ZC3H4: variants seen among roughly 807,000 people sequenced by gnomAD.
ZC3H4 encodes the protein zinc finger CCCH-type containing 4.
A neutral mutation model predicts 108.3 loss-of-function variants in ZC3H4; 13 were observed. The ratio of observed to expected loss-of-function variants is 0.12; its 90% CI spans 0.08 to 0.19. The LOEUF is 0.19. Ranked by LOEUF, ZC3H4 falls within the 10% of genes least tolerant of loss-of-function variation. The pLI is 1.00. For synonymous variants in ZC3H4, 917 were observed against 749.6 expected (o/e 1.22, Z -3.65); for missense variants, 1,734 against 1,838.8 (o/e 0.94, Z 1.04).
At chr19:47,078,383 C>T (rs548947099) in intron 11 of ZC3H4, among the ~76,000 whole-genome samples, 1 of 151,810 alleles carries the variant, frequency 6.6e-6, no homozygotes, top group Non-Finnish European at 1.5e-5. Flanking sequence ...CTTTGGGAGG[C>T]CAAGGCAGGA....
intron 8 of ZC3H4, among the ~76,000 whole-genome samples, chr19:47,084,775 G>A (rs934294938): frequency 6.6e-6 from 1 of 152,186 alleles, no homozygotes; most frequent in South Asian, 2.1e-4. Context: ...ACCTTCCAGG[G>A]CTAATTGGAT....
At chr19:47,082,121 A>T in intron 10 of ZC3H4, 63 bp downstream of exon 10, 1 of 1,326,288 alleles carries the variant, frequency 7.5e-7, no homozygotes, top group Non-Finnish European at 1.1e-6. Context: ...TGTTACTACC[A>T]CCATCAAGGA....
intron 4 of ZC3H4, among the ~76,000 whole-genome samples, chr19:47,090,935 C>T (rs1324056864): frequency 1.3e-5 from 2 of 152,180 alleles, no homozygotes; most frequent in Admixed American, 1.3e-4. Context: ...CTACTACTAC[C>T]TGCTCAATTT....
At chr19:47,077,050 C>T (rs965760486) in intron 11 of ZC3H4, among the ~76,000 whole-genome samples, 1 of 152,050 alleles carries the variant, frequency 6.6e-6, no homozygotes, top group South Asian at 2.1e-4. Flanking sequence ...CTCTGTAATC[C>T]CAGCTACTCA....
chr19:47,095,461 C>T (rs1031405866), intron 2 of ZC3H4, among the ~76,000 whole-genome samples: 2 of 152,116 alleles, frequency 1.3e-5, no homozygotes, highest in African/African-American at 4.8e-5. Context: ...TCACATGATA[C>T]CGGCCCTGCT....
intron 4 of ZC3H4, among the ~76,000 whole-genome samples, chr19:47,090,744 C>A (rs551806086): frequency 7.2e-5 from 11 of 152,246 alleles, no homozygotes; most frequent in Non-Finnish European, 1.5e-4. Context: ...AATGGAGTAA[C>A]GACGAATATG....
chr19:47,089,969 C>A lies in ZC3H4; in HGVS notation c.713G>T (p.Arg238Leu), dbSNP rs747163575. 6.2e-7 allele frequency: 1 copy of A among 1,614,158 alleles called. No homozygotes were observed. Among genetic ancestry groups the A allele is most frequent in the Non-Finnish European group, 8.5e-7 (1 of 1,180,034 alleles). ...RRAKEGSSRG[R>L]GSRGRGRGYR... ...GAAACTGTAAGGGCAGGGCTCACCT[C>A]GGCCGCGGCTGCTGCCCTCCTTGGC... Residue 238 changes from arginine (R) to leucine (L), a missense_variant and splice_region_variant, in exon 5 of 15, where the codon CGA (arginine) becomes CTA (leucine). Coordinates refer to ENST00000253048, the MANE Select transcript of ZC3H4 (RefSeq NM_015168.2).
Position 47,064,721 on chromosome 19 carries a change from T to TTTA in ZC3H4, c.*1634_*1635insTAA, listed in dbSNP as rs1555775480. ...AAGACAAATCTCATTAATGATTGTGTAAAAAAAAAAAAAAAAAAAAAGACA... is the reference window on the plus strand; with the variant it reads ...AAGACAAATCTCATTAATGATTGTGTTTAAAAAAAAAAAAAAAAAAAAAAGACA... On this transcript the variant is annotated 3_prime_UTR_variant, in exon 15 of 15. Transcript: ENST00000253048. 8.8e-6 allele frequency: 1 copy of TTTA among 113,114 alleles called. No homozygotes were observed. The highest frequency in any genetic ancestry group is 1.8e-5 in the Non-Finnish European group (1 of 56,916). The allele number at this position is 113,114 out of a possible 1,614,324, so 7.0% of individuals were successfully genotyped here.
chr19:47,088,540 C>T (rs1326894537), intron 5 of ZC3H4, among the ~76,000 whole-genome samples: 1 of 151,050 alleles, frequency 6.6e-6, no homozygotes, highest in African/African-American at 2.4e-5. Flanking sequence ...AAGTGAAACT[C>T]TGTCTCAAAA....
Position 47,112,544 on chromosome 19 carries a change from T to A in ZC3H4, c.41A>T (p.Glu14Val). The part of the protein sequence containing the change: ...APGTPPPPPS[E>V]SPPPPSPPPP... ...CGGCGGCGATGGCGGCGGCGGCGAC[T>A]CTGATGGCGGCGGCGGGGGGGTCCC... The change falls in exon 2 of 15, where the codon GAG becomes GTG. Residue 14 changes from glutamate to valine, a missense_variant. Transcript: ENST00000253048. The A allele has an allele frequency of 9.6e-7, 1 of 1,037,178 alleles. No individual in the cohort carries two copies. Among genetic ancestry groups the A allele is most frequent in the Non-Finnish European group, 1.2e-6 (1 of 805,426 alleles). The allele number at this position is 1,037,178 out of a possible 1,614,324, so 64.2% of individuals were successfully genotyped here. A position where few individuals can be genotyped will look rare whatever the true frequency, so the allele number is the denominator to read the frequency against.
chr19:47,112,212 G>A (rs1568573472), intron 2 of ZC3H4: 2 of 1,200,224 alleles, frequency 1.7e-6, no homozygotes, highest in East Asian at 3.3e-5. Flanking sequence ...CGAGCGCCGC[G>A]AGGGGGGGGA....
chr19:47,092,080 C>G (rs543460611), intron 4 of ZC3H4, among the ~76,000 whole-genome samples: 1 of 151,490 alleles, frequency 6.6e-6, no homozygotes, highest in Non-Finnish European at 1.5e-5. Context: ...CGTTATGGCC[C>G]ATGGTTCCAG....
chr19:47,068,951 G>C, intron 14 of ZC3H4, 141 bp downstream of exon 14: 1 of 1,505,574 alleles, frequency 6.6e-7, no homozygotes. Context: ...GCCCCAGCCC[G>C]GCTTCATGGC....
intron 11 of ZC3H4, among the ~76,000 whole-genome samples, chr19:47,074,407 G>A (rs1188206819): frequency 1.3e-5 from 2 of 152,228 alleles, no homozygotes; most frequent in Non-Finnish European, 2.9e-5. Context: ...ATACAGGGCA[G>A]ACGCCCAGTG....
chr19:47,077,484 C>A (rs932726151), intron 11 of ZC3H4, among the ~76,000 whole-genome samples: 1 of 147,060 alleles, frequency 6.8e-6, no homozygotes, highest in Admixed American at 6.8e-5. Context: ...AAAAAAAAAA[C>A]TGGTACCAAA....
chr19:47,104,496 G>A (rs548129973), intron 2 of ZC3H4, among the ~76,000 whole-genome samples: 4 of 152,292 alleles, frequency 2.6e-5, no homozygotes, highest in Non-Finnish European at 4.4e-5. Flanking sequence ...TATTCTATAT[G>A]AAGTATCAAT....
At position 47,085,065 on chromosome 19, in the gene ZC3H4, C is replaced by T; in HGVS notation, c.1098G>A (p.Glu366=). 6.2e-7 allele frequency: 1 copy of T among 1,614,222 alleles called. No individual in the cohort carries two copies. Residue 366 remains glutamate (E), a synonymous_variant, in exon 8 of 15, where the codon GAG becomes GAA. Transcript: ENST00000253048. ...AGTGGAGTCAACTCACGCCCATGTC[C>T]TCGTCATAGAAGTCTTCGTCATCGT... ...GMNDDEDFYD[E]DMGDGGGGSY...
intron 9 of ZC3H4, among the ~76,000 whole-genome samples, chr19:47,083,323 AGAG>A (rs999340936): frequency 2.8e-5 from 4 of 140,602 alleles, no homozygotes; most frequent in African/African-American, 1.1e-4. Flanking sequence ...AAAAAAAAAA[AGAG>A]AGAGAGAGAG....
chr19:47,080,662 A>ATTT (rs67141668), intron 11 of ZC3H4, among the ~76,000 whole-genome samples: 1 of 141,870 alleles, frequency 7.0e-6, no homozygotes, highest in Non-Finnish European at 1.5e-5. Flanking sequence ...TACCTGGCTA[A>ATTT]TTTTTTTTTT....
Sources: allele counts gnomAD v4.1 joint callset (sites outside exome capture counted in the v4.1 genomes callset), GRCh38; gene constraint gnomAD v4.1.1; transcripts MANE v1.5; gene names NCBI Gene and HGNC (gene_info 2026-07-23, HGNC 2026-07-21).